OR52I2: variants seen among roughly 807,000 people sequenced by gnomAD.
The protein encoded by OR52I2 is olfactory receptor 52I2.
For synonymous variants in OR52I2, 147 were observed against 151.9 expected, an observed-to-expected ratio of 0.97 and a Z score of 0.24; for missense variants, 350 against 402.4, an observed-to-expected ratio of 0.87 and a Z score of 1.11.
At chr11:4,581,949 C>T (rs1240644314) in intron 1 of OR52I2, 85 bp downstream of exon 1, 2 of 152,188 alleles carry the variant, frequency 1.3e-5, no homozygotes, top group Admixed American at 6.5e-5. Context: ...CTGGGTCACC[C>T]CAGAATGAAA....
intron 1 of OR52I2, among the ~76,000 whole-genome samples, chr11:4,585,788 T>A (rs2133186150): frequency 6.6e-6 from 1 of 152,338 alleles, no homozygotes; most frequent in Admixed American, 6.5e-5. Context: ...TACTACATGA[T>A]CTTGGCTAGA....
chr11:4,582,663 G>A (rs1236353307), intron 1 of OR52I2, among the ~76,000 whole-genome samples: 1 of 151,776 alleles, frequency 6.6e-6, no homozygotes, highest in East Asian at 1.9e-4. Flanking sequence ...CTGAACTCCT[G>A]AGCTCAGACA....
At chr11:4,591,804 TG>T (rs1338443043) in exon 2 of OR52I2, 11 of 152,094 alleles carry the variant, frequency 7.2e-5, no homozygotes, top group Non-Finnish European at 4.4e-5. Flanking sequence ...TTATTAGAGA[TG>T]GGTTGTAGGA....
At chr11:4,582,158 A>G (rs1564858945) in intron 1 of OR52I2, among the ~76,000 whole-genome samples, 1 of 152,202 alleles carries the variant, frequency 6.6e-6, no homozygotes, top group African/African-American at 2.4e-5. Flanking sequence ...GACCAAGAGA[A>G]GTTATAAGAA....
chr11:4,582,973 G>A (rs1846271098), intron 1 of OR52I2, among the ~76,000 whole-genome samples: 2 of 152,078 alleles, frequency 1.3e-5, no homozygotes, highest in South Asian at 4.1e-4. Flanking sequence ...CTGAACATTT[G>A]AGATTTGTGC....
rs1846322798 is a variant in OR52I2 at position 4,588,113 on chromosome 11, T to C, written c.*248T>C. 4 of 501,718 alleles carry C rather than the reference T, an allele frequency of 8.0e-6. No homozygotes were observed. The Admixed American group carries it at 1.0e-4, about 13-fold the overall frequency. 31.1% of individuals were successfully genotyped at this position (501,718 alleles called of 1,614,324 possible). A position where few individuals can be genotyped will look rare whatever the true frequency, so the allele number is the denominator to read the frequency against. On this transcript the variant is annotated 3_prime_UTR_variant, in exon 2 of 2. Coordinates refer to ENST00000641896, the Ensembl canonical transcript of OR52I2. ...GAGAATACACATTTGATTGAACTTA[T>C]GTTTCCCTGCTCTTTAGGAATGTGC...
Position 4,587,130 on chromosome 11 carries a change from G to A in OR52I2, c.240G>A (p.Ser80=), listed in dbSNP as rs149411057. Residue 80 remains serine (S), a synonymous_variant, in exon 2 of 2, where the codon TCG becomes TCA. Coordinates refer to ENST00000641896, the Ensembl canonical transcript of OR52I2. ...CTGTGGACATTGTTATGGCCTCCTC[G>A]GTGGTACCCAAGATGGTGAGCATCT... 4.4e-4 allele frequency: 703 copies of A among 1,614,022 alleles called. 1 individual carries two copies. Among genetic ancestry groups the A allele is most frequent in the Non-Finnish European group, 5.5e-4 (645 of 1,180,006 alleles).
exon 2 of OR52I2, chr11:4,587,696 G>A: frequency 6.2e-7 from 1 of 1,614,162 alleles, no homozygotes; most frequent in Non-Finnish European, 8.5e-7. Flanking sequence ...GCCTGGTTGG[G>A]GCAGGATGTA....
At chr11:4,587,754 C>A (rs376056342) in exon 2 of OR52I2, 19 of 1,614,022 alleles carry the variant, frequency 1.2e-5, no homozygotes, top group Non-Finnish European at 1.5e-5. Flanking sequence ...ACGTGATCAT[C>A]CCAGCCACCT....
intron 1 of OR52I2, among the ~76,000 whole-genome samples, chr11:4,584,435 G>T (rs1846283465): frequency 6.6e-6 from 1 of 152,190 alleles, no homozygotes; most frequent in South Asian, 2.1e-4. Flanking sequence ...TTCTCTGGAA[G>T]CAAAATGATC....
chr11:4,586,993 C>T, exon 2 of OR52I2: 1 of 1,614,160 alleles, frequency 6.2e-7, no homozygotes, highest in Non-Finnish European at 8.5e-7. Flanking sequence ...GGCTATCTCA[C>T]TGAGTGCCAT....
intron 1 of OR52I2, among the ~76,000 whole-genome samples, chr11:4,586,152 A>G (rs1174137355): frequency 6.6e-6 from 1 of 152,178 alleles, no homozygotes; most frequent in African/African-American, 2.4e-5. Flanking sequence ...GGTAAGGATT[A>G]TATTTCCAGG....
chr11:4,591,252 C>G lies in OR52I2; in HGVS notation c.*3387C>G, dbSNP rs545543599. On this transcript the variant is annotated 3_prime_UTR_variant, in exon 2 of 2. Coordinates refer to ENST00000641896, the Ensembl canonical transcript of OR52I2. ...CCACTACTCAGAGAGGAGCCAGAAC[C>G]CTGACAAGAGGTAAAAAGAGGTAGC... is the stretch of plus-strand genomic sequence containing the variant. 2.0e-5 allele frequency: 3 copies of G among 152,260 alleles called. No homozygotes were observed. In the South Asian group the frequency reaches 6.2e-4, roughly 32 times the overall value. 9.4% of individuals were successfully genotyped at this position (152,260 alleles called of 1,614,324 possible).
chr11:4,586,726 G>A, intron 1 of OR52I2, 146 bp from the exon 2 acceptor site: 1 of 1,039,100 alleles, frequency 9.6e-7, no homozygotes, highest in Non-Finnish European at 1.4e-6. Flanking sequence ...GGATAAAAGT[G>A]GTACAGGATA....
At chr11:4,587,996 A>C in exon 2 of OR52I2, 1 of 736,918 alleles carries the variant, frequency 1.4e-6, no homozygotes, top group Non-Finnish European at 2.3e-6. Flanking sequence ...TTCAATTACT[A>C]GCAGGAATGT....
chr11:4,584,853 T>G (rs1407281057), intron 1 of OR52I2, among the ~76,000 whole-genome samples: 1 of 152,154 alleles, frequency 6.6e-6, no homozygotes, highest in Non-Finnish European at 1.5e-5. Flanking sequence ...CTTTTTACTT[T>G]TTAATAGTGG....
chr11:4,592,281 G>A (rs1188807480), exon 2 of OR52I2: 2 of 152,178 alleles, frequency 1.3e-5, no homozygotes, highest in Non-Finnish European at 2.9e-5. Context: ...AAGAAGTTGA[G>A]GCTTGGAGAG....
At chr11:4,582,266 C>T (rs1020043319) in intron 1 of OR52I2, among the ~76,000 whole-genome samples, 45 of 152,072 alleles carry the variant, frequency 3.0e-4, no homozygotes, top group African/African-American at 1.0e-3. Context: ...AAAGGCTCTA[C>T]TCAAATGAGT....
chr11:4,583,944 T>C (rs1846279605), intron 1 of OR52I2, among the ~76,000 whole-genome samples: 1 of 152,180 alleles, frequency 6.6e-6, no homozygotes, highest in Non-Finnish European at 1.5e-5. Flanking sequence ...TGGTAAATGT[T>C]CCTCTAGTGC....
Sources: gnomAD v4.1 joint callset for allele counts (sites outside exome capture counted in the v4.1 genomes callset) on GRCh38, gnomAD v4.1.1 for gene constraint, MANE v1.5 for transcripts, NCBI Gene and HGNC (gene_info 2026-07-23, HGNC 2026-07-21) for gene names.